Variants in CFAP91 observed in about 807,000 individuals in gnomAD.
The protein encoded by CFAP91 is cilia- and flagella-associated protein 91.
A neutral mutation model predicts 95.9 loss-of-function variants in CFAP91; 85 were observed. The observed-to-expected ratio is 0.89, with a 90% CI of 0.74 to 1.06. The LOEUF is 1.06. Among genes scored for constraint, CFAP91 ranks in the 50% least tolerant of loss-of-function variants. CFAP91 has a pLI of 0.00. For missense variants in CFAP91, 962 were observed against 943.4 expected (o/e 1.02, Z -0.26); for synonymous variants, 335 against 327.5 (o/e 1.02, Z -0.25).
At chr3:119,738,625 A>G (rs1183455443) in intron 11 of CFAP91, among the ~76,000 whole-genome samples, 1 of 152,004 alleles carries the variant, frequency 6.6e-6, no homozygotes, top group East Asian at 1.9e-4. Flanking sequence ...CTAGGATTAC[A>G]GGCATGAGCC....
At chr3:119,730,098 G>C (rs558319193) in intron 7 of CFAP91, 122 bp from the exon 8 acceptor site, 8 of 1,011,326 alleles carry the variant, frequency 7.9e-6, no homozygotes, top group Admixed American at 2.5e-5. Context: ...TGCCAGAGTG[G>C]TCTTTTGGCA....
At chr3:119,721,908 G>T (rs981053408) in intron 6 of CFAP91, among the ~76,000 whole-genome samples, 2 of 152,156 alleles carry the variant, frequency 1.3e-5, no homozygotes, top group Admixed American at 1.3e-4. Context: ...AGGTGCAGTG[G>T]CTCACACCTG....
chr3:119,709,893 C>T lies in CFAP91; in HGVS notation c.498C>T (p.Ser166=). ...CATTCAATGTTGTTTATGCCGTATC[C>T]AAGTAAGTAACCATTATTTGAAAAC... is the stretch of plus-strand genomic sequence containing the variant. ...QMPFNVVYAV[S]KAEPYTFPPT... Residue 166 remains serine (S), a splice_region_variant and synonymous_variant, in exon 5 of 18, where the codon TCC becomes TCT. Coordinates refer to ENST00000273390, the MANE Select transcript of CFAP91 (RefSeq NM_033364.4). 1 of 1,604,458 alleles carries T rather than the reference C, an allele frequency of 6.2e-7. No homozygotes were observed. Among genetic ancestry groups the T allele is most frequent in the South Asian group, 1.1e-5 (1 of 90,722 alleles).
At chr3:119,734,731 T>C (rs1239801504) in intron 10 of CFAP91, among the ~76,000 whole-genome samples, 4 of 152,234 alleles carry the variant, frequency 2.6e-5, no homozygotes, top group African/African-American at 9.7e-5. Flanking sequence ...GACCTTCTTG[T>C]TTTTCTTTCT....
At position 119,721,494 on chromosome 3, in the gene CFAP91, C is replaced by G. The variant is rs144800942; in HGVS notation, c.683-4677C>G. ...TTAGCCCAGAGTTTATCAAGCCTGGCTATGATCTCTCCTTTCAGGAACATT... is the reference window on the plus strand; with the variant it reads ...TTAGCCCAGAGTTTATCAAGCCTGGGTATGATCTCTCCTTTCAGGAACATT... On this transcript the variant is annotated intron_variant, in intron 6 of 17. Transcript: ENST00000273390. Among the ~76,000 whole-genome samples the G allele has an allele frequency of 5.8e-3, 880 of 152,324 alleles. 1 individual carries two copies. The highest frequency in any genetic ancestry group is 0.02 in the Middle Eastern group (6 of 294).
chr3:119,710,188 G>A (rs1217735440), intron 5 of CFAP91: 2 of 253,904 alleles, frequency 7.9e-6, no homozygotes, highest in African/African-American at 2.3e-5. Context: ...GATATAAAAT[G>A]TATTTCTTAC....
intron 17 of CFAP91, among the ~76,000 whole-genome samples, chr3:119,758,083 G>C (rs1369162603): frequency 6.6e-6 from 1 of 152,136 alleles, no homozygotes; most frequent in Admixed American, 6.5e-5. Flanking sequence ...TTTTTGGTCA[G>C]AAAGAGATGC....
rs2053564691 is a variant in CFAP91, at chr3:119,715,851, A to G, written c.682+108A>G. The G allele has an allele frequency of 3.1e-6, 3 of 974,720 alleles. No individual in the cohort carries two copies. The Admixed American group carries it at 5.8e-5, about 19-fold the overall frequency. 60.4% of individuals were successfully genotyped at this position (974,720 alleles called of 1,614,324 possible). ...ATTGTGGTTTACAGTGTTGCTATAT[A>G]AAGTGTCTTAGTACAGCAACTTCAT... On this transcript the variant is annotated intron_variant, in intron 6 of 17. Transcript: ENST00000273390.
chr3:119,750,735 T>G, intron 16 of CFAP91: 4 of 565,464 alleles, frequency 7.1e-6, no homozygotes, highest in East Asian at 6.2e-5. Context: ...TGCTGAGGAG[T>G]GGAATGGAGG....
At chr3:119,710,693 C>A (rs1283627837) in intron 5 of CFAP91, among the ~76,000 whole-genome samples, 1 of 152,174 alleles carries the variant, frequency 6.6e-6, no homozygotes, top group Non-Finnish European at 1.5e-5. Flanking sequence ...ATAAACAAAT[C>A]AGTCATGTAA....
intron 10 of CFAP91, among the ~76,000 whole-genome samples, chr3:119,734,255 T>G (rs1291548970): frequency 6.6e-6 from 1 of 152,168 alleles, no homozygotes. Flanking sequence ...CCATGCATGC[T>G]TGTTTGTTCA....
At chr3:119,747,712 TG>T in intron 15 of CFAP91, 98 bp from the exon 16 acceptor site, 1 of 906,010 alleles carries the variant, frequency 1.1e-6, no homozygotes, top group South Asian at 1.7e-5. Context: ...AAGGTGATGG[TG>T]GGGTTTGAAT....
In CFAP91 at chr3:119,744,157, A is replaced by G; in HGVS notation, c.1863A>G (p.Glu621=). 6.2e-7 allele frequency: 1 copy of G among 1,613,776 alleles called. No individual in the cohort carries two copies. Among genetic ancestry groups the G allele is most frequent in the East Asian group, 2.2e-5 (1 of 44,874 alleles). Residue 621 remains glutamate, a synonymous_variant, in exon 14 of 18, where the codon GAA becomes GAG. Transcript: ENST00000273390. Reference sequence around the variant, plus strand: ...AAGAGAGTGGTCGGCGCCAGGTGGAAAAACAGCGCCTGCGGGAGGAGGACG... The same window carrying G: ...AAGAGAGTGGTCGGCGCCAGGTGGAGAAACAGCGCCTGCGGGAGGAGGACG... ...EAEESGRRQV[E]KQRLREEDEI...
chr3:119,708,835 C>T (rs2053424073), intron 4 of CFAP91, among the ~76,000 whole-genome samples, 161 bp downstream of exon 4: 1 of 152,084 alleles, frequency 6.6e-6, no homozygotes, highest in South Asian at 2.1e-4. Flanking sequence ...GGAATGTAGG[C>T]TAAGATATAT....
intron 16 of CFAP91, among the ~76,000 whole-genome samples, chr3:119,749,351 G>C (rs2054282261): frequency 6.6e-6 from 1 of 152,024 alleles, no homozygotes; most frequent in Admixed American, 6.6e-5. Context: ...GGGAGACCCA[G>C]TTACTACAAA....
chr3:119,738,332 C>CTTTTTGTTTTTTTT (rs2054049859), intron 11 of CFAP91, among the ~76,000 whole-genome samples: 1 of 23,040 alleles, frequency 4.3e-5, no homozygotes, highest in East Asian at 2.0e-3. Flanking sequence ...GACATATTGT[C>CTTTTTGTTTTTTTT]TTTTTTTTTT....
chr3:119,734,866 C>A (rs1210366989), intron 10 of CFAP91, among the ~76,000 whole-genome samples: 1 of 152,130 alleles, frequency 6.6e-6, no homozygotes, highest in Non-Finnish European at 1.5e-5. Context: ...TTTGTTCCTT[C>A]ACTTTGGTAG....
At chr3:119,744,323 C>T (rs1262860329) in intron 14 of CFAP91, 127 bp downstream of exon 14, 1 of 697,968 alleles carries the variant, frequency 1.4e-6, no homozygotes, top group East Asian at 2.7e-5. Context: ...ATGCCAGGCA[C>T]TCTACAGAGG....
At chr3:119,726,820 C>T (rs1403091407) in intron 7 of CFAP91, among the ~76,000 whole-genome samples, 1 of 119,544 alleles carries the variant, frequency 8.4e-6, no homozygotes, top group African/African-American at 3.1e-5. Flanking sequence ...TTACCCACCC[C>T]CCACCCCGAC....
Sources: gnomAD v4.1 joint callset for allele counts (sites outside exome capture counted in the v4.1 genomes callset) on GRCh38, gnomAD v4.1.1 for gene constraint, MANE v1.5 for transcripts, NCBI Gene and HGNC (gene_info 2026-07-23, HGNC 2026-07-21) for gene names.